CNTLN: variants seen among roughly 807,000 people sequenced by gnomAD.
The protein encoded by CNTLN is centlein, also known as centlein, centrosomal protein.
CNTLN carries 212 observed loss-of-function variants against 180.0 expected under a neutral mutation model. That is an observed-to-expected ratio of 1.18 (90% CI 1.05 to 1.32). The LOEUF (loss-of-function observed/expected upper bound fraction) is 1.32, where lower values mean the gene tolerates loss of function less well. Ranked by LOEUF, CNTLN falls within the 40% of genes most tolerant of loss-of-function variation. The probability of loss-of-function intolerance (pLI) is 0.00; values close to 1 mark genes in which losing one functional copy is unlikely to be tolerated. For missense variants in CNTLN, 2,095 were observed against 1,610.9 expected (o/e 1.30, Z -5.14); for synonymous variants, 722 against 563.1 (o/e 1.28, Z -3.99).
chr9:17,194,582 A>G (rs1017900520), intron 2 of CNTLN, among the ~76,000 whole-genome samples: 1 of 152,144 alleles, frequency 6.6e-6, no homozygotes, highest in Non-Finnish European at 1.5e-5. Flanking sequence ...CCATATCAGT[A>G]TCAGCATTTT....
At chr9:17,290,296 G>C (rs997924835) in intron 6 of CNTLN, among the ~76,000 whole-genome samples, 4 of 151,750 alleles carry the variant, frequency 2.6e-5, no homozygotes, top group Non-Finnish European at 5.9e-5. Context: ...CCCCTGCTGG[G>C]GGGTGCCTCC....
chr9:17,340,418 C>T (rs946405454), intron 10 of CNTLN, among the ~76,000 whole-genome samples: 1 of 152,120 alleles, frequency 6.6e-6, no homozygotes, highest in African/African-American at 2.4e-5. Context: ...ATTGTTCTTA[C>T]TCTGATTAAT....
At chr9:17,296,003 T>A (rs62558353) in intron 6 of CNTLN, among the ~76,000 whole-genome samples, 854 of 52,928 alleles carry the variant, frequency 0.016, 2 homozygotes, top group African/African-American at 0.052. Flanking sequence ...AGAGAGTGTG[T>A]GTGTGTGTGT....
At chr9:17,264,447 C>G (rs1587398647) in intron 5 of CNTLN, among the ~76,000 whole-genome samples, 3 of 148,016 alleles carry the variant, frequency 2.0e-5, no homozygotes, top group South Asian at 2.2e-4. Flanking sequence ...GTTACTGTAG[C>G]CTTGTAGTAT....
chr9:17,182,759 C>G (rs1348209012), intron 2 of CNTLN, among the ~76,000 whole-genome samples: 1 of 152,182 alleles, frequency 6.6e-6, no homozygotes, highest in African/African-American at 2.4e-5. Context: ...GTTCTCCATT[C>G]TTCTTCCTGT....
At chr9:17,234,438 A>AC (rs71943317) in intron 3 of CNTLN, among the ~76,000 whole-genome samples, 47,896 of 151,810 alleles carry the variant, frequency 0.32, 10,197 homozygotes, top group East Asian at 0.61. Flanking sequence ...ACAGAGCGAG[A>AC]CCTGTCTCTC....
intron 18 of CNTLN, among the ~76,000 whole-genome samples, chr9:17,443,998 T>C (rs920836332): frequency 2.6e-5 from 4 of 152,174 alleles, no homozygotes; most frequent in Non-Finnish European, 4.4e-5. Flanking sequence ...GAGAAGAGAC[T>C]GTTGGACTTT....
downstream of CNTLN, among the ~76,000 whole-genome samples, chr9:17,507,988 G>C (rs530110153): frequency 2.4e-4 from 36 of 152,158 alleles, no homozygotes; most frequent in Admixed American, 1.8e-3. Flanking sequence ...TTTTGTGTTA[G>C]AGAAAATGTT....
At position 17,152,310 on chromosome 9, in the gene CNTLN, T is replaced by TC. The variant is rs1209735297; in HGVS notation, c.449+8939dup. Among the ~76,000 whole-genome samples, 3 of 152,192 alleles carry TC rather than the reference T, an allele frequency of 2.0e-5. No individual in the cohort carries two copies. In the East Asian group the frequency reaches 5.8e-4, roughly 29 times the overall value. On this transcript the variant is annotated intron_variant, in intron 2 of 25. Coordinates refer to ENST00000380647, the MANE Select transcript of CNTLN (RefSeq NM_017738.4). The stretch of plus-strand genomic sequence containing the variant: ...CTTGTGGGCATTTAGTACTATAAAT[T>TC]CCCCCTAAACACTGCTTTAGCTGTG...
chr9:17,209,394 G>T (rs925938541), intron 2 of CNTLN, among the ~76,000 whole-genome samples: 10 of 152,078 alleles, frequency 6.6e-5, no homozygotes, highest in Non-Finnish European at 1.5e-4. Flanking sequence ...GCGTATTCTG[G>T]ACCAGTTGGA....
At position 17,240,028 on chromosome 9, in the gene CNTLN, T is replaced by A. The variant is rs139785098; in HGVS notation, c.849+3440T>A. ...ATCAGAGAGTTTAATAGAGATTGCC[T>A]TGAATCAGTAGATCAGTTTGGGGAG... On this transcript the variant is annotated intron_variant, in intron 5 of 25. Transcript: ENST00000380647. Among the ~76,000 whole-genome samples the A allele has an allele frequency of 7.5e-3, 1,139 of 152,304 alleles. 7 individuals are homozygous for A. Among genetic ancestry groups the A allele is most frequent in the South Asian group, 0.042 (202 of 4,826 alleles).
At chr9:17,158,046 C>T (rs933842961) in intron 2 of CNTLN, among the ~76,000 whole-genome samples, 1 of 152,188 alleles carries the variant, frequency 6.6e-6, no homozygotes, top group African/African-American at 2.4e-5. Flanking sequence ...CAAGATAGCT[C>T]ATTTATGTAT....
At chr9:17,226,976 A>C (rs539081081) in intron 3 of CNTLN, among the ~76,000 whole-genome samples, 1 of 151,818 alleles carries the variant, frequency 6.6e-6, no homozygotes, top group Non-Finnish European at 1.5e-5. Flanking sequence ...GTACATGTGC[A>C]CAACGTGCAG....
intron 12 of CNTLN, among the ~76,000 whole-genome samples, chr9:17,342,808 A>G (rs1041638915): frequency 2.0e-5 from 3 of 152,274 alleles, no homozygotes; most frequent in East Asian, 1.9e-4. Context: ...TTGATCTCCT[A>G]GATACATACG....
intron 8 of CNTLN, among the ~76,000 whole-genome samples, chr9:17,326,236 A>G (rs1174451550): frequency 4.6e-5 from 7 of 152,112 alleles, no homozygotes; most frequent in Admixed American, 4.6e-4. Flanking sequence ...TAATTATAGT[A>G]TAGCACTATA....
intron 2 of CNTLN, among the ~76,000 whole-genome samples, chr9:17,198,629 C>T (rs1217908283): frequency 1.3e-5 from 2 of 148,846 alleles, no homozygotes; most frequent in Non-Finnish European, 3.0e-5. Context: ...CTGGGATACA[C>T]GTGCAGAATA....
chr9:17,237,731 G>A (rs764333101), intron 5 of CNTLN, among the ~76,000 whole-genome samples: 1 of 151,572 alleles, frequency 6.6e-6, no homozygotes, highest in Non-Finnish European at 1.5e-5. Context: ...GAGGGACGAT[G>A]GTAATATGTA....
chr9:17,219,983 C>A (rs960409334), intron 2 of CNTLN, among the ~76,000 whole-genome samples: 1 of 151,946 alleles, frequency 6.6e-6, no homozygotes, highest in Non-Finnish European at 1.5e-5. Flanking sequence ...GGCCTACCTC[C>A]AAATACTATG....
At chr9:17,332,568 C>T in intron 9 of CNTLN, 37 bp from the exon 10 acceptor site, 1 of 1,569,504 alleles carries the variant, frequency 6.4e-7, no homozygotes, top group Non-Finnish European at 8.6e-7. Flanking sequence ...ATCCAGTGTT[C>T]CAACTAGTTC....
Sources: allele counts gnomAD v4.1 joint callset (sites outside exome capture counted in the v4.1 genomes callset), GRCh38; gene constraint gnomAD v4.1.1; transcripts MANE v1.5; gene names NCBI Gene and HGNC (gene_info 2026-07-23, HGNC 2026-07-21).